EFEMP1: variants seen among roughly 807,000 people sequenced by gnomAD.
EFEMP1 encodes EGF-like fibulin extracellular matrix protein 1.
EFEMP1 carries 18 observed loss-of-function variants against 65.7 expected under a neutral mutation model. That is an observed-to-expected ratio of 0.27 (90% confidence interval 0.19 to 0.41). The LOEUF is 0.41. Among genes scored for constraint, EFEMP1 ranks in the 10% least tolerant of loss-of-function variants. The pLI is 1.00. For missense variants in EFEMP1, 469 were observed against 624.8 expected, an observed-to-expected ratio of 0.75 and a Z score of 2.66; for synonymous variants, 237 against 219.7, an observed-to-expected ratio of 1.08 and a Z score of -0.70.
At chr2:55,915,627 G>T (rs56244807) in intron 5 of EFEMP1, among the ~76,000 whole-genome samples, 94 of 150,572 alleles carry the variant, frequency 6.2e-4, no homozygotes, top group East Asian at 3.3e-3. Flanking sequence ...CATTTATCTG[G>T]TTTTTTTTTC....
chr2:55,881,438 A>G (rs1326339218), intron 6 of EFEMP1, among the ~76,000 whole-genome samples, 174 bp downstream of exon 6: 1 of 152,182 alleles, frequency 6.6e-6, no homozygotes, highest in Non-Finnish European at 1.5e-5. Flanking sequence ...GAATAGCTCA[A>G]CCTTTAAGGT....
chr2:55,889,051 CTG>C (rs1189459961), intron 5 of EFEMP1, among the ~76,000 whole-genome samples: 2 of 152,126 alleles, frequency 1.3e-5, no homozygotes, highest in Non-Finnish European at 1.5e-5. Context: ...TGCCTGAGCA[CTG>C]TGATTTGATT....
Position 55,875,020 on chromosome 2 carries a change from C to G in EFEMP1, c.926G>C (p.Cys309Ser). 1 of 1,608,124 alleles carries G rather than the reference C, an allele frequency of 6.2e-7. No homozygotes were observed. The highest frequency in any genetic ancestry group is 8.5e-7 in the Non-Finnish European group (1 of 1,176,658). The change falls in exon 9 of 12, where the codon TGT becomes TCT. Residue 309 changes from cysteine (C) to serine (S), a missense_variant. Physicochemically the swap from Cys to Ser is moderately radical, Grantham distance 112. Coordinates refer to ENST00000355426, the MANE Select transcript of EFEMP1 (RefSeq NM_001039348.3). The stretch of plus-strand genomic sequence containing the variant: ...TGAGAATTTCCCAGGTTCATTGACA[C>G]ATTGATATTGACACAGGTAGCTTGA... ...RTSSYLCQYQCVNEPGKFSCM... is the reference protein window; with the variant it reads ...RTSSYLCQYQSVNEPGKFSCM...
Position 55,867,182 on chromosome 2 carries a change from G to T in EFEMP1, c.1373C>A (p.Pro458Gln). The T allele has an allele frequency of 6.2e-7, 1 of 1,613,952 alleles. No homozygotes were observed. The highest frequency in any genetic ancestry group is 8.5e-7 in the Non-Finnish European group (1 of 1,179,924). Residue 458 changes from proline (P) to glutamine (Q), a missense_variant, in exon 12 of 12, where the codon CCA becomes CAA. Coordinates refer to ENST00000355426, the MANE Select transcript of EFEMP1 (RefSeq NM_001039348.3). The surrounding 1 kb of genome is among the most constrained non-coding windows in gnomAD (Gnocchi z 4.3). ...CTCCAGGTCCACGATATGTTCTCTT[G>T]GTCCTGATAATGACTTCACGAGCAC... is the stretch of plus-strand genomic sequence containing the variant. Reference protein sequence around the residue: ...MLVLVKSLSGPREHIVDLEML... With the variant: ...MLVLVKSLSGQREHIVDLEML...
rs1668568574 is a variant in EFEMP1 at position 55,866,189 on chromosome 2, G to C, written c.*884C>G. Reference sequence around the variant, plus strand: ...GATGAGAAATTTTAGTTATAAATTAGTGAAGTGTTAGGATTTAAATTTTAC... The same window carrying C: ...GATGAGAAATTTTAGTTATAAATTACTGAAGTGTTAGGATTTAAATTTTAC... On this transcript the variant is annotated 3_prime_UTR_variant, in exon 12 of 12. Transcript: ENST00000355426. 1 of 152,122 alleles carries C rather than the reference G, an allele frequency of 6.6e-6. No homozygotes were observed. The highest frequency in any genetic ancestry group is 1.5e-5 in the Non-Finnish European group (1 of 68,022). The allele number at this position is 152,122 out of a possible 1,614,324, so 9.4% of individuals were successfully genotyped here.
At chr2:55,875,245 C>CTA (rs149547082) in intron 8 of EFEMP1, among the ~76,000 whole-genome samples, 180 bp from the exon 9 acceptor site, 26 of 145,206 alleles carry the variant, frequency 1.8e-4, no homozygotes, top group African/African-American at 4.5e-4. Flanking sequence ...TTATATCTAC[C>CTA]TATATATATA....
intron 8 of EFEMP1, among the ~76,000 whole-genome samples, chr2:55,876,006 G>A (rs1484434579): frequency 1.3e-5 from 2 of 151,836 alleles, no homozygotes; most frequent in African/African-American, 2.4e-5. Flanking sequence ...TCCCCCTCAG[G>A]ATGTCTAATG....
In EFEMP1 at chr2:55,883,263, T is replaced by C. The variant is rs75472159; in HGVS notation, c.518-1529A>G. Among the ~76,000 whole-genome samples, 4 of 152,326 alleles carry C rather than the reference T, an allele frequency of 2.6e-5. No individual in the cohort carries two copies. The highest frequency in any genetic ancestry group is 4.8e-5 in the African/African-American group (2 of 41,584). On this transcript the variant is annotated intron_variant, in intron 5 of 11. Transcript: ENST00000355426. The surrounding 1 kb of genome is among the most constrained non-coding windows in gnomAD (Gnocchi z 4.5). ...TTTGTTATTTTGTTTTGTTTTGAAA[T>C]TTATTATAATTACTACTAGTATTAT...
At chr2:55,880,507 G>T (rs1021461960) in intron 6 of EFEMP1, among the ~76,000 whole-genome samples, 2 of 152,158 alleles carry the variant, frequency 1.3e-5, no homozygotes, top group African/African-American at 4.8e-5. Flanking sequence ...TCAGAGGCTG[G>T]GCACTAACCC....
At position 55,922,918 on chromosome 2, in the gene EFEMP1, T is replaced by C; in HGVS notation, c.-27A>G. 5 of 1,069,110 alleles carry C rather than the reference T, an allele frequency of 4.7e-6. No individual in the cohort carries two copies. Among genetic ancestry groups the C allele is most frequent in the Non-Finnish European group, 5.7e-6 (5 of 880,018 alleles). The allele number at this position is 1,069,110 out of a possible 1,614,324, so 66.2% of individuals were successfully genotyped here. A position where few individuals can be genotyped will look rare whatever the true frequency, so the allele number is the denominator to read the frequency against. On this transcript the variant is annotated 5_prime_UTR_variant, in exon 2 of 12. Coordinates refer to ENST00000355426, the MANE Select transcript of EFEMP1 (RefSeq NM_001039348.3). The surrounding 1 kb of genome is among the most constrained non-coding windows in gnomAD (Gnocchi z 5.5). The stretch of plus-strand genomic sequence containing the variant: ...ACTCACCTTGAGCTAGCAGAGTTCC[T>C]TGCACAGCACAGCAAAAATACCTGT...
intron 5 of EFEMP1, among the ~76,000 whole-genome samples, chr2:55,895,566 C>T (rs1234219142): frequency 1.0e-4 from 14 of 139,978 alleles, no homozygotes; most frequent in Non-Finnish European, 1.4e-4. Flanking sequence ...TTTTTTGAGA[C>T]GGAGTCTCGC....
In EFEMP1 at chr2:55,870,882, G is replaced by A. The variant is rs766866113; in HGVS notation, c.1158C>T (p.Cys386=). Residue 386 remains cysteine, a synonymous_variant, in exon 11 of 12, where the codon TGC becomes TGT. Transcript: ENST00000355426. This position sits in a 1 kb window ranked among gnomAD's most constrained non-coding sequence, Gnocchi z 5.8. The part of the protein sequence containing the change: ...RCVCPVSNAM[C]RELPQSIVYK... Reference sequence around the variant, plus strand: ...AGACTATTGACTGGGGCAGTTCTCGGCACATGGCATTTGAGACTGGGCAAA... The same window carrying A: ...AGACTATTGACTGGGGCAGTTCTCGACACATGGCATTTGAGACTGGGCAAA... 1.9e-6 allele frequency: 3 copies of A among 1,613,718 alleles called. No individual in the cohort carries two copies. Among genetic ancestry groups the A allele is most frequent in the Non-Finnish European group, 1.7e-6 (2 of 1,179,788 alleles).
chr2:55,904,309 A>G (rs892793846), intron 5 of EFEMP1, among the ~76,000 whole-genome samples: 4 of 152,228 alleles, frequency 2.6e-5, no homozygotes, highest in African/African-American at 4.8e-5. Flanking sequence ...CCAATAGGCA[A>G]GCAACACCAA....
At chr2:55,888,663 A>G (rs1313330294) in intron 5 of EFEMP1, among the ~76,000 whole-genome samples, 1 of 152,010 alleles carries the variant, frequency 6.6e-6, no homozygotes, top group African/African-American at 2.4e-5. Flanking sequence ...GGAAAAGAAA[A>G]CCCTGATATT....
chr2:55,922,181 T>C lies in EFEMP1; in HGVS notation c.81+179A>G, dbSNP rs924077826. 10 of 630,620 alleles carry C rather than the reference T, an allele frequency of 1.6e-5. No homozygotes were observed. In the African/African-American group the frequency reaches 1.8e-4, roughly 11 times the overall value. 39.1% of individuals were successfully genotyped at this position (630,620 alleles called of 1,614,324 possible). A position where few individuals can be genotyped will look rare whatever the true frequency, so the allele number is the denominator to read the frequency against. ...TTAGGTGGTGAGCCCAATGAACTTT[T>C]GAAAGGATCAAGGGGGCAATTTACA... On this transcript the variant is annotated intron_variant, in intron 3 of 11. Transcript: ENST00000355426. This position sits in a 1 kb window ranked among gnomAD's most constrained non-coding sequence, Gnocchi z 5.5.
rs114190479 is a variant in EFEMP1, at chr2:55,917,018, T to C, written c.517+647A>G. On this transcript the variant is annotated intron_variant, in intron 5 of 11. Transcript: ENST00000355426. The surrounding 1 kb of genome is among the most constrained non-coding windows in gnomAD (Gnocchi z 6.3). ...TCGTCAAATGAGAGCTTAAAAGAGA[T>C]ATAAACGTGAGTGGGGGAGAATCCC... Among the ~76,000 whole-genome samples, 3,086 of 152,250 alleles carry C rather than the reference T, an allele frequency of 0.02. 57 individuals are homozygous for C. The highest frequency in any genetic ancestry group is 0.072 in the South Asian group (346 of 4,818).
chr2:55,906,948 G>C (rs1198578927), intron 5 of EFEMP1, among the ~76,000 whole-genome samples: 1 of 152,222 alleles, frequency 6.6e-6, no homozygotes, highest in Non-Finnish European at 1.5e-5. Flanking sequence ...AGAAGTATAT[G>C]ATGACAAAGC....
Position 55,876,714 on chromosome 2 carries a change from T to C in EFEMP1, c.789A>G (p.Gln263=), listed in dbSNP as rs762128597. The change falls in exon 8 of 12, where the codon CAA becomes CAG. Residue 263 remains glutamine (Q), a synonymous_variant. Transcript: ENST00000355426. ...VDINECDASN[Q]CAQQCYNILG... ...GAATGTTGTAGCACTGCTGAGCACA[T>C]TGATTGCTGGCATCACATTCATTTA... The C allele has an allele frequency of 1.6e-5, 26 of 1,610,388 alleles. No homozygotes were observed. The highest frequency in any genetic ancestry group is 2.2e-5 in the South Asian group (2 of 90,700).
chr2:55,878,612 A>G (rs924097145), intron 6 of EFEMP1, among the ~76,000 whole-genome samples: 7 of 152,214 alleles, frequency 4.6e-5, no homozygotes, highest in African/African-American at 1.7e-4. Flanking sequence ...TAAAACAACC[A>G]TTATGCATAT....
Sources: gnomAD v4.1 joint callset for allele counts (sites outside exome capture counted in the v4.1 genomes callset) on GRCh38, gnomAD v4.1.1 for gene constraint, Gnocchi (gnomAD v3.1) non-coding constraint, MANE v1.5 for transcripts, NCBI Gene and HGNC (gene_info 2026-07-23, HGNC 2026-07-21) for gene names.